The following ZNF395 variants were observed in gnomAD, a reference collection of about 807,000 sequenced individuals.
ZNF395 encodes the protein HD gene regulatory region-binding protein 2.
A neutral mutation model predicts 57.7 loss-of-function variants in ZNF395; 20 were observed. That is an observed-to-expected ratio of 0.35 (90% CI 0.24 to 0.50). The LOEUF is 0.50. ZNF395 is among the 20% of genes least tolerant of loss of function. The pLI is 0.97. For synonymous variants in ZNF395, 295 were observed against 275.9 expected, an observed-to-expected ratio of 1.07 and a Z score of -0.69; for missense variants, 606 against 671.2, an observed-to-expected ratio of 0.90 and a Z score of 1.07.
intron 1 of ZNF395, chr8:28,385,170 C>T (rs1301888280): frequency 6.6e-6 from 1 of 152,292 alleles, no homozygotes; most frequent in Non-Finnish European, 1.5e-5. Flanking sequence ...GCCTGGTAGC[C>T]TGGCATCATG....
rs982686791 is a variant in ZNF395, at chr8:28,352,239, G to C, written c.920+334C>G. ...AGCGGAGACCCACTCCCAAGGAAGA[G>C]TGGGTGGTGCAGTGCTTGGCCACTA... On this transcript the variant is annotated intron_variant, in intron 6 of 9. Transcript: ENST00000344423. This position sits in a 1 kb window ranked among gnomAD's most constrained non-coding sequence, Gnocchi z 4.0. Among the ~76,000 whole-genome samples the C allele has an allele frequency of 1.3e-5, 2 of 152,340 alleles. No individual in the cohort carries two copies. The highest frequency in any genetic ancestry group is 6.5e-5 in the Admixed American group (1 of 15,306).
chr8:28,361,116 A>G lies in ZNF395; in HGVS notation c.9T>C (p.Ser3=), dbSNP rs753565689. 3 of 1,611,950 alleles carry G rather than the reference A, an allele frequency of 1.9e-6. No homozygotes were observed. The South Asian group carries it at 3.3e-5, about 18-fold the overall frequency. The stretch of plus-strand genomic sequence containing the variant: ...GCTTTCCAAGGCGTCGGGACAGGAC[A>G]CTCGCCATGCTGCTGCCTCTCCTCT... The part of the protein sequence containing the change: MA[S]VLSRRLGKRS... The change falls in exon 2 of 10, where the codon AGT becomes AGC. Residue 3 remains serine, a synonymous_variant. Transcript: ENST00000344423.
chr8:28,359,700 A>T lies in ZNF395; in HGVS notation c.365T>A (p.Val122Glu). The change falls in exon 3 of 10, where the codon GTG (valine) becomes GAG (glutamate). Residue 122 changes from valine (V) to glutamate (E), a missense_variant. Physicochemically the swap from Val to Glu is moderately radical, Grantham distance 121 (BLOSUM62 -2). Transcript: ENST00000344423. This position sits in a 1 kb window ranked among gnomAD's most constrained non-coding sequence, Gnocchi z 4.7. ...KLQVCCRVEE[V>E]WLAELQGPCP... ...GGGGCCCTGCAGCTCTGCCAGCCAC[A>T]CCTCCTCCACCCTGCAGCAGACCTG... 1 of 1,613,812 alleles carries T rather than the reference A, an allele frequency of 6.2e-7. No individual in the cohort carries two copies. Among genetic ancestry groups the T allele is most frequent in the Non-Finnish European group, 8.5e-7 (1 of 1,179,986 alleles).
chr8:28,370,381 G>A (rs1002469912), intron 1 of ZNF395, among the ~76,000 whole-genome samples: 1 of 152,324 alleles, frequency 6.6e-6, no homozygotes, highest in Non-Finnish European at 1.5e-5. Context: ...CACTAAGGAA[G>A]TGCCTTAAAC....
chr8:28,348,957 G>A (rs575241235), intron 9 of ZNF395, 127 bp from the exon 10 acceptor site: 387 of 1,190,828 alleles, frequency 3.2e-4, no homozygotes, highest in Non-Finnish European at 4.4e-4. Context: ...CCAGGACCAG[G>A]GGCCAGAGGC....
chr8:28,373,097 G>A (rs775134505), intron 1 of ZNF395, among the ~76,000 whole-genome samples: 28 of 152,334 alleles, frequency 1.8e-4, no homozygotes, highest in South Asian at 6.2e-4. Flanking sequence ...ATGCACGAGT[G>A]GGGTTGCCCT....
chr8:28,386,070 T>TGGCTCGGCTCGG (rs1160521549), intron 1 of ZNF395: 1 of 146,304 alleles, frequency 6.8e-6, no homozygotes, highest in Non-Finnish European at 1.5e-5. Context: ...CTCGGACGGC[T>TGGCTCGGCTCGG]AGCTCAGCTC....
intron 1 of ZNF395, among the ~76,000 whole-genome samples, chr8:28,382,948 G>A (rs908358440): frequency 2.6e-5 from 4 of 152,028 alleles, no homozygotes; most frequent in African/African-American, 9.7e-5. Flanking sequence ...ACTTAGATTA[G>A]ATTTTTATAT....
At chr8:28,351,419 G>A in intron 7 of ZNF395, 76 bp downstream of exon 7, 1 of 1,479,418 alleles carries the variant, frequency 6.8e-7, no homozygotes, top group Non-Finnish European at 9.1e-7. Context: ...CATCAGGGTG[G>A]TCGGTAGCCT....
At chr8:28,364,704 G>A (rs1454302187) in intron 1 of ZNF395, among the ~76,000 whole-genome samples, 2 of 151,044 alleles carry the variant, frequency 1.3e-5, no homozygotes, top group East Asian at 3.9e-4. Context: ...GGCAGAGGTT[G>A]CAGTGAGCCA....
chr8:28,348,484 A>C lies in ZNF395; in HGVS notation c.*235T>G. The stretch of plus-strand genomic sequence containing the variant: ...GGTTCACTGCTGAATAGCCTTGGTC[A>C]GTTTTGGCTCTCTCCTATTTTAGGG... On this transcript the variant is annotated 3_prime_UTR_variant, in exon 10 of 10. Coordinates refer to ENST00000344423, the MANE Select transcript of ZNF395 (RefSeq NM_018660.3). The C allele has an allele frequency of 2.1e-6, 1 of 481,198 alleles. No individual in the cohort carries two copies. Among genetic ancestry groups the C allele is most frequent in the Non-Finnish European group, 3.8e-6 (1 of 262,916 alleles). 29.8% of individuals were successfully genotyped at this position (481,198 alleles called of 1,614,324 possible). A position where few individuals can be genotyped will look rare whatever the true frequency, so the allele number is the denominator to read the frequency against.
intron 1 of ZNF395, among the ~76,000 whole-genome samples, chr8:28,377,908 A>C (rs1254058945): frequency 1.3e-5 from 2 of 151,520 alleles, no homozygotes; most frequent in African/African-American, 4.9e-5. Context: ...CAGGCAAGCA[A>C]CACTACGCCC....
intron 2 of ZNF395, 40 bp downstream of exon 2, chr8:28,360,845 T>C: frequency 1.2e-6 from 2 of 1,604,718 alleles, no homozygotes; most frequent in Non-Finnish European, 8.5e-7. Context: ...ACCCCAAGAC[T>C]GGCAAGACGG....
chr8:28,370,820 G>A (rs994582452), intron 1 of ZNF395, among the ~76,000 whole-genome samples: 1 of 152,176 alleles, frequency 6.6e-6, no homozygotes, highest in Non-Finnish European at 1.5e-5. Flanking sequence ...AGCAGAAGAG[G>A]AGAATCTTTT....
chr8:28,351,685 G>C lies in ZNF395; in HGVS notation c.1043C>G (p.Thr348Ser). The part of the protein sequence containing the change: ...AAAAGTPVPG[T>S]PTSEPAPTPS... ...GGTGGGAGCTGGCTCGGAGGTGGGA[G>C]TCCCAGGGACTGGGGTGCCTGCGGC... is the stretch of plus-strand genomic sequence containing the variant. The change falls in exon 7 of 10, where the codon ACT becomes AGT. Residue 348 changes from threonine to serine, a missense_variant. Thr to Ser is a moderately conservative substitution (Grantham distance 58, BLOSUM62 1). Coordinates refer to ENST00000344423, the MANE Select transcript of ZNF395 (RefSeq NM_018660.3). 6.2e-7 allele frequency: 1 copy of C among 1,612,148 alleles called. No individual in the cohort carries two copies. Among genetic ancestry groups the C allele is most frequent in the Non-Finnish European group, 8.5e-7 (1 of 1,179,924 alleles).
chr8:28,378,119 C>A (rs1802066364), intron 1 of ZNF395, among the ~76,000 whole-genome samples: 1 of 152,072 alleles, frequency 6.6e-6, no homozygotes, highest in Non-Finnish European at 1.5e-5. Context: ...CATTTCCCGG[C>A]CCCCCACCAC....
intron 1 of ZNF395, among the ~76,000 whole-genome samples, chr8:28,377,337 G>A (rs922017199): frequency 9.2e-5 from 14 of 152,278 alleles, no homozygotes; most frequent in South Asian, 2.1e-4. Flanking sequence ...CCAGTGGGTC[G>A]AGGCTGCAGT....
intron 1 of ZNF395, among the ~76,000 whole-genome samples, chr8:28,375,973 G>T (rs768641333): frequency 2.6e-4 from 40 of 152,228 alleles, no homozygotes; most frequent in Middle Eastern, 3.4e-3. Context: ...CTGACAACTG[G>T]TTTTTTGTGT....
chr8:28,385,119 G>A (rs1024764613), intron 1 of ZNF395: 1 of 152,284 alleles, frequency 6.6e-6, no homozygotes, highest in Non-Finnish European at 1.5e-5. Context: ...CTAGAAAGGG[G>A]GTTCTAAGAA....
Sources: gnomAD v4.1 joint callset for allele counts (sites outside exome capture counted in the v4.1 genomes callset) on GRCh38, gnomAD v4.1.1 for gene constraint, Gnocchi (gnomAD v3.1) non-coding constraint, MANE v1.5 for transcripts, NCBI Gene and HGNC (gene_info 2026-07-23, HGNC 2026-07-21) for gene names.